GSTA3: variants seen among roughly 807,000 people sequenced by gnomAD.
GSTA3 encodes the protein glutathione S-transferase alpha 3.
In GSTA3, 16 loss-of-function variants were observed where a neutral mutation model predicts 23.1. That is an observed-to-expected ratio of 0.69 (90% confidence interval 0.47 to 1.05). The LOEUF is 1.05. Ranked by LOEUF, GSTA3 falls within the 50% of genes least tolerant of loss-of-function variation. The pLI is 0.00. For missense variants in GSTA3, 319 were observed against 263.6 expected (o/e 1.21, Z -1.46); for synonymous variants, 122 against 91.0 (o/e 1.34, Z -1.94).
At chr6:52,903,351 G>T (rs45460398) in intron 3 of GSTA3, among the ~76,000 whole-genome samples, 2,146 of 151,540 alleles carry the variant, frequency 0.014, 19 homozygotes, top group Non-Finnish European at 0.021. Flanking sequence ...ACTTTGGGAG[G>T]CCGAGGCGGG....
Position 52,899,947 on chromosome 6 carries a change from G to A in GSTA3, c.401C>T (p.Pro134Leu). 1 of 1,614,040 alleles carries A rather than the reference G, an allele frequency of 6.2e-7. No individual in the cohort carries two copies. The highest frequency in any genetic ancestry group is 2.2e-5 in the East Asian group (1 of 44,870). ...AGCTTCACCTACTTTTTCGAAGGCA[G>A]GGAAATAGCGACTTTTTGTTTTCTC... ...IKEKTKSRYF[P>L]AFEKVLQSHG... is the part of the protein sequence containing the mutation. The change falls in exon 5 of 7, where the codon CCT becomes CTT. Residue 134 changes from proline (P) to leucine (L), a missense_variant. Pro to Leu is a moderately conservative substitution (Grantham distance 98, BLOSUM62 -3). Coordinates refer to ENST00000211122, the MANE Select transcript of GSTA3 (RefSeq NM_000847.5).
intron 1 of GSTA3, among the ~76,000 whole-genome samples, chr6:52,909,420 A>G (rs1765995141): frequency 6.6e-6 from 1 of 152,184 alleles, no homozygotes; most frequent in Admixed American, 6.5e-5. Flanking sequence ...CTTTTCTCAT[A>G]TCATCAAATT....
intron 3 of GSTA3, among the ~76,000 whole-genome samples, chr6:52,903,458 G>A (rs1765769376): frequency 6.6e-6 from 1 of 151,004 alleles, no homozygotes; most frequent in Non-Finnish European, 1.5e-5. Flanking sequence ...CTAGCCTGGT[G>A]TGGTGTCTGG....
At position 52,897,869 on chromosome 6, in the gene GSTA3, C is replaced by T. The variant is rs1561949942; in HGVS notation, c.502G>A (p.Glu168Lys). 1 of 1,613,908 alleles carries T rather than the reference C, an allele frequency of 6.2e-7. No individual in the cohort carries two copies. The highest frequency in any genetic ancestry group is 8.5e-7 in the Non-Finnish European group (1 of 1,179,908). The change falls in exon 6 of 7, where the codon GAA (glutamate) becomes AAA (lysine). Residue 168 changes from glutamate to lysine, a missense_variant. Transcript: ENST00000211122. ...GAGATAAGGCTGGAGTCAAGCTCTT[C>T]CACATAGTAGAGAAGTTCCACCAGG... ...ISLVELLYYV[E>K]ELDSSLISNF...
chr6:52,899,669 C>T (rs111720074), intron 5 of GSTA3, among the ~76,000 whole-genome samples: 7 of 152,338 alleles, frequency 4.6e-5, no homozygotes, highest in Admixed American at 3.3e-4. Flanking sequence ...CCATGTTCTA[C>T]TTATGAACAT....
At chr6:52,897,427 C>T (rs558136248) in intron 6 of GSTA3, among the ~76,000 whole-genome samples, 1 of 152,270 alleles carries the variant, frequency 6.6e-6, no homozygotes, top group South Asian at 2.1e-4. Flanking sequence ...CTGCTGCCCA[C>T]CCTGGCCAGA....
chr6:52,897,988 C>T (rs1216507951), intron 5 of GSTA3, 32 bp from the exon 6 acceptor site: 3 of 1,613,090 alleles, frequency 1.9e-6, no homozygotes, highest in African/African-American at 1.3e-5. Flanking sequence ...ATCAGGAATA[C>T]ATGCGCACCC....
At chr6:52,902,584 AT>A (rs1765728664) in intron 3 of GSTA3, 106 bp from the exon 4 acceptor site, 2 of 1,178,690 alleles carry the variant, frequency 1.7e-6, no homozygotes, top group Admixed American at 4.6e-5. Flanking sequence ...TGAAAAAGAA[AT>A]TATTGCCTGC....
chr6:52,898,008 C>A lies in GSTA3; in HGVS notation c.415-52G>T, dbSNP rs1476205439. 4 of 1,605,182 alleles carry A rather than the reference C, an allele frequency of 2.5e-6. No homozygotes were observed. The South Asian group carries it at 3.3e-5, about 13-fold the overall frequency. ...GAATACATGCGCACCCAGGATGGGACCCCTGCTTCTCCCTGAGTCTTTCCA... is the reference window on the plus strand; with the variant it reads ...GAATACATGCGCACCCAGGATGGGAACCCTGCTTCTCCCTGAGTCTTTCCA... On this transcript the variant is annotated intron_variant, in intron 5 of 6. Coordinates refer to ENST00000211122, the MANE Select transcript of GSTA3 (RefSeq NM_000847.5).
chr6:52,907,733 C>A (rs1230277435), intron 1 of GSTA3, among the ~76,000 whole-genome samples: 1 of 149,442 alleles, frequency 6.7e-6, no homozygotes, highest in Non-Finnish European at 1.5e-5. Context: ...ACAAAAAAAC[C>A]AAACACCGCA....
intron 4 of GSTA3, among the ~76,000 whole-genome samples, chr6:52,901,759 G>C (rs1765693643): frequency 2.6e-5 from 4 of 152,192 alleles, no homozygotes. Context: ...ACAGTGAGGA[G>C]ACCCCATGGC....
chr6:52,897,993 G>T, intron 5 of GSTA3, 37 bp from the exon 6 acceptor site: 2 of 1,612,232 alleles, frequency 1.2e-6, no homozygotes, highest in Non-Finnish European at 1.7e-6. Flanking sequence ...GAATACATGC[G>T]CACCCAGGAT....
At chr6:52,903,041 A>C (rs1212126164) in intron 3 of GSTA3, among the ~76,000 whole-genome samples, 1 of 152,074 alleles carries the variant, frequency 6.6e-6, no homozygotes. Flanking sequence ...TTGGATGGGG[A>C]AGGCTGTGTG....
At chr6:52,903,764 C>A in intron 2 of GSTA3, 37 bp from the exon 3 acceptor site, 3 of 1,239,940 alleles carry the variant, frequency 2.4e-6, no homozygotes, top group South Asian at 2.4e-5. Flanking sequence ...CTTGTTAGTT[C>A]GTTCCATAGC....
rs201013516 is a variant in GSTA3, at chr6:52,899,952, A to G, written c.396T>C (p.Tyr132=). 6 of 1,614,120 alleles carry G rather than the reference A, an allele frequency of 3.7e-6. No individual in the cohort carries two copies. In the South Asian group the frequency reaches 6.6e-5, roughly 18 times the overall value. The part of the protein sequence containing the change: ...ALIKEKTKSR[Y]FPAFEKVLQS... The stretch of plus-strand genomic sequence containing the variant: ...CACCTACTTTTTCGAAGGCAGGGAA[A>G]TAGCGACTTTTTGTTTTCTCTTTGA... The change falls in exon 5 of 7, where the codon TAT becomes TAC. Residue 132 remains tyrosine (Y), a synonymous_variant. Coordinates refer to ENST00000211122, the MANE Select transcript of GSTA3 (RefSeq NM_000847.5).
At chr6:52,904,171 G>A (rs762931206) in intron 2 of GSTA3, among the ~76,000 whole-genome samples, 11 of 151,846 alleles carry the variant, frequency 7.2e-5, no homozygotes, top group Non-Finnish European at 1.5e-4. Context: ...TTTCTATTTT[G>A]TAGTGCTGGG....
chr6:52,903,431 C>CA (rs398039914), intron 3 of GSTA3, among the ~76,000 whole-genome samples: 39,224 of 121,120 alleles, frequency 0.32, 6,222 homozygotes, highest in Admixed American at 0.5. Context: ...ACTAAAAATA[C>CA]AAAAAAAAAA....
At position 52,903,708 on chromosome 6, in the gene GSTA3, C is replaced by T. The variant is rs45504096; in HGVS notation, c.107G>A (p.Gly36Glu). Residue 36 changes from glycine (G) to glutamate (E), a missense_variant, in exon 3 of 7, where the codon GGA becomes GAA. Coordinates refer to ENST00000211122, the MANE Select transcript of GSTA3 (RefSeq NM_000847.5). ...TAACTTTCCCAAATCTTCTGCAGAT[C>T]CTATAAATTTCTCTTCAAACTGGAA... ...AGVEFEEKFIGSAEDLGKLRN... is the reference protein window; with the variant it reads ...AGVEFEEKFIESAEDLGKLRN... The T allele has an allele frequency of 1.2e-4, 187 of 1,593,788 alleles. 1 individual carries two copies. The East Asian group carries it at 3.7e-3, about 32-fold the overall frequency.
chr6:52,904,933 C>G (rs901318949), intron 2 of GSTA3, among the ~76,000 whole-genome samples: 2 of 152,164 alleles, frequency 1.3e-5, no homozygotes, highest in Non-Finnish European at 2.9e-5. Flanking sequence ...TGCCTTAGGG[C>G]AGGAATTGTG....
Sources: gnomAD v4.1 joint callset for allele counts (sites outside exome capture counted in the v4.1 genomes callset) on GRCh38, gnomAD v4.1.1 for gene constraint, MANE v1.5 for transcripts, NCBI Gene and HGNC (gene_info 2026-07-23, HGNC 2026-07-21) for gene names.